Variants in GPR55 observed in about 807,000 individuals in gnomAD.
The protein encoded by GPR55 is G protein-coupled receptor 55.
In GPR55, 6 loss-of-function variants were observed where a neutral mutation model predicts 7.9. The observed-to-expected ratio is 0.76, with a 90% CI of 0.41 to 1.49. The LOEUF is 1.49. GPR55 is among the 40% of genes most tolerant of loss of function. The pLI, the probability that GPR55 is intolerant of heterozygous loss-of-function variation, is 0.01. For synonymous variants in GPR55, 183 were observed against 166.8 expected (o/e 1.10, Z -0.75); for missense variants, 376 against 406.0 (o/e 0.93, Z 0.63).
intron 1 of GPR55, among the ~76,000 whole-genome samples, chr2:230,951,899 C>T (rs1691410207): frequency 6.6e-6 from 1 of 151,502 alleles, no homozygotes; most frequent in African/African-American, 2.4e-5. Context: ...GCTGGGACTA[C>T]AGGTACATAC....
In GPR55 at chr2:230,923,061, C is replaced by T. The variant is rs996606692; in HGVS notation, c.-135+2107G>A. Among the ~76,000 whole-genome samples, 1 of 152,208 alleles carries T rather than the reference C, an allele frequency of 6.6e-6. No homozygotes were observed. Among genetic ancestry groups the T allele is most frequent in the Non-Finnish European group, 1.5e-5 (1 of 68,040 alleles). ...TCTGCAGCTGGGATTCCCGCAACTG[C>T]CAGTGGTCCATGGTACCCTCATCCG... On this transcript the variant is annotated intron_variant, in intron 1 of 1. Transcript: ENST00000650999. The surrounding 1 kb of genome is among the most constrained non-coding windows in gnomAD (Gnocchi z 4.1).
In GPR55 at chr2:230,924,874, C is replaced by T. The variant is rs1180224867; in HGVS notation, c.-135+294G>A. 3.3e-5 allele frequency among the ~76,000 whole-genome samples: 5 copies of T among 152,126 alleles called. No homozygotes were observed. Among genetic ancestry groups the T allele is most frequent in the Non-Finnish European group, 7.4e-5 (5 of 68,016 alleles). On this transcript the variant is annotated intron_variant, in intron 1 of 1. Coordinates refer to ENST00000650999, the MANE Select transcript of GPR55 (RefSeq NM_005683.4). This position sits in a 1 kb window ranked among gnomAD's most constrained non-coding sequence, Gnocchi z 4.5. ...CCTATGGGGAGGTTTCCCGACCCGA[C>T]ATGATGCTGCAACCCTGAGTCAGAT...
In GPR55 at chr2:230,907,998, A is replaced by G. The variant is rs1690492851; in HGVS notation, c.*2005T>C. On this transcript the variant is annotated 3_prime_UTR_variant, in exon 2 of 2. Transcript: ENST00000650999. The stretch of plus-strand genomic sequence containing the variant: ...CCACCACCCGTAGACACTGACCCGA[A>G]CCAGCCCCAAATGCCCCGTTGCATG... 1.3e-5 allele frequency: 2 copies of G among 152,046 alleles called. No homozygotes were observed. Among genetic ancestry groups the G allele is most frequent in the Non-Finnish European group, 2.9e-5 (2 of 68,036 alleles). 9.4% of individuals were successfully genotyped at this position (152,046 alleles called of 1,614,324 possible).
intron 1 of GPR55, among the ~76,000 whole-genome samples, chr2:230,958,635 T>A (rs2125072986): frequency 6.6e-6 from 1 of 152,322 alleles, no homozygotes; most frequent in East Asian, 1.9e-4. Flanking sequence ...CATTTTTAGA[T>A]CCTACAAGTA....
At chr2:230,954,685 T>C (rs1023168151) in intron 1 of GPR55, among the ~76,000 whole-genome samples, 1 of 152,334 alleles carries the variant, frequency 6.6e-6, no homozygotes, top group Non-Finnish European at 1.5e-5. Context: ...AGTCACCCTG[T>C]TGTGCTATCA....
At chr2:230,941,685 G>C (rs955647261) in intron 1 of GPR55, among the ~76,000 whole-genome samples, 26 of 152,162 alleles carry the variant, frequency 1.7e-4, no homozygotes, top group African/African-American at 6.3e-4. Flanking sequence ...GTGACTCCCT[G>C]TCCTTCAGGT....
At chr2:230,934,281 C>T (rs1022200730) in intron 1 of GPR55, among the ~76,000 whole-genome samples, 4 of 152,208 alleles carry the variant, frequency 2.6e-5, no homozygotes, top group African/African-American at 9.7e-5. Context: ...GGGCCAGCAC[C>T]TCTCTGCACC....
chr2:230,934,782 A>G (rs1691106833), intron 1 of GPR55, among the ~76,000 whole-genome samples: 1 of 152,096 alleles, frequency 6.6e-6, no homozygotes, highest in Admixed American at 6.5e-5. Flanking sequence ...AAACCCAGAT[A>G]GTCCCTAAGA....
intron 1 of GPR55, among the ~76,000 whole-genome samples, chr2:230,938,027 G>A (rs920275997): frequency 6.6e-6 from 1 of 151,598 alleles, no homozygotes; most frequent in Non-Finnish European, 1.5e-5. Flanking sequence ...GGGCATGGTG[G>A]TGTGCACCTG....
intron 1 of GPR55, among the ~76,000 whole-genome samples, chr2:230,916,815 A>G (rs886213589): frequency 1.3e-5 from 2 of 152,236 alleles, no homozygotes; most frequent in African/African-American, 4.8e-5. Context: ...AGATGAAAAG[A>G]AACAAAACCA....
intron 1 of GPR55, among the ~76,000 whole-genome samples, chr2:230,914,205 C>G (rs1282579339): frequency 6.6e-6 from 1 of 152,230 alleles, no homozygotes; most frequent in African/African-American, 2.4e-5. Context: ...GGAAAGTGAT[C>G]TGACAGAAAG....
chr2:230,941,327 C>A (rs1318361756), intron 1 of GPR55, among the ~76,000 whole-genome samples: 1 of 152,146 alleles, frequency 6.6e-6, no homozygotes, highest in Non-Finnish European at 1.5e-5. Context: ...GAGCAGGGCC[C>A]TTTGCTGGAA....
intron 1 of GPR55, among the ~76,000 whole-genome samples, chr2:230,945,626 G>A (rs558461778): frequency 6.6e-6 from 1 of 152,370 alleles, no homozygotes; most frequent in African/African-American, 2.4e-5. Context: ...AGGCTGGAGT[G>A]CAGTGGCACT....
At chr2:230,938,139 C>T (rs1403384435) in intron 1 of GPR55, among the ~76,000 whole-genome samples, 1 of 133,500 alleles carries the variant, frequency 7.5e-6, no homozygotes. Context: ...AGAACAAGAC[C>T]CTGTCTCAAA....
chr2:230,946,206 G>A (rs1691311306), intron 1 of GPR55, among the ~76,000 whole-genome samples: 1 of 152,198 alleles, frequency 6.6e-6, no homozygotes, highest in Admixed American at 6.5e-5. Flanking sequence ...GCCAGGGGCT[G>A]GAGGGCTAGG....
upstream of GPR55, among the ~76,000 whole-genome samples, chr2:230,929,311 A>T (rs1690993629): frequency 6.6e-6 from 1 of 152,130 alleles, no homozygotes; most frequent in Non-Finnish European, 1.5e-5. Flanking sequence ...CGTGCCCCCA[A>T]GCCCCCCAAC....
chr2:230,918,365 G>A (rs1690761592), intron 1 of GPR55, among the ~76,000 whole-genome samples: 1 of 151,854 alleles, frequency 6.6e-6, no homozygotes, highest in Admixed American at 6.6e-5. Flanking sequence ...TTGATTTGGG[G>A]GCAAAAAATA....
intron 1 of GPR55, among the ~76,000 whole-genome samples, chr2:230,932,007 A>G (rs915808418): frequency 1.3e-5 from 2 of 151,970 alleles, no homozygotes; most frequent in Non-Finnish European, 2.9e-5. Flanking sequence ...TCCACACCTC[A>G]AGGCCTCACC....
intron 1 of GPR55, among the ~76,000 whole-genome samples, chr2:230,935,852 T>C (rs1691124007): frequency 6.6e-6 from 1 of 152,260 alleles, no homozygotes; most frequent in Admixed American, 6.5e-5. Context: ...AAATCTGAAG[T>C]GCTCCAATGA....
Sources: gnomAD v4.1 joint callset for allele counts (sites outside exome capture counted in the v4.1 genomes callset) on GRCh38, gnomAD v4.1.1 for gene constraint, Gnocchi (gnomAD v3.1) non-coding constraint, MANE v1.5 for transcripts, NCBI Gene and HGNC (gene_info 2026-07-23, HGNC 2026-07-21) for gene names.